CDH13: variants seen among roughly 807,000 people sequenced by gnomAD.
The protein encoded by CDH13 is cadherin 13.
Under a neutral mutation model 63.8 loss-of-function variants are expected in CDH13, and 24 were observed. The observed-to-expected ratio is 0.38, with a 90% CI of 0.27 to 0.53. The LOEUF (loss-of-function observed/expected upper bound fraction) is 0.53, where lower values mean the gene tolerates loss of function less well. CDH13 is among the 20% of genes least tolerant of loss of function. The pLI, the probability that CDH13 is intolerant of heterozygous loss-of-function variation, is 0.85. For missense variants in CDH13, 1,049 were observed against 903.1 expected (o/e 1.16, Z -2.07); for synonymous variants, 503 against 355.3 (o/e 1.42, Z -4.67).
At chr16:83,685,634 C>T (rs1904300654) in intron 10 of CDH13, among the ~76,000 whole-genome samples, 1 of 151,924 alleles carries the variant, frequency 6.6e-6, no homozygotes, top group South Asian at 2.1e-4. Flanking sequence ...TGATGGTGTC[C>T]CTATAAAGGA....
intron 1 of CDH13, among the ~76,000 whole-genome samples, chr16:82,645,136 C>A (rs1909938305): frequency 6.6e-6 from 1 of 152,052 alleles, no homozygotes; most frequent in Non-Finnish European, 1.5e-5. Flanking sequence ...AAACAAGCTC[C>A]TAGGATGCCA....
intron 6 of CDH13, among the ~76,000 whole-genome samples, chr16:83,455,198 G>A (rs2151515848): frequency 6.6e-6 from 1 of 152,288 alleles, no homozygotes; most frequent in South Asian, 2.1e-4. Flanking sequence ...ACTTTCAGAG[G>A]GTGGATTTTT....
chr16:82,652,390 C>T (rs147358141), intron 1 of CDH13, among the ~76,000 whole-genome samples: 210 of 152,292 alleles, frequency 1.4e-3, no homozygotes, highest in African/African-American at 4.3e-3. Flanking sequence ...AAATAAGGAA[C>T]GACCTCTCGT....
At chr16:82,700,576 T>G (rs1238341331) in intron 1 of CDH13, among the ~76,000 whole-genome samples, 1 of 151,878 alleles carries the variant, frequency 6.6e-6, no homozygotes, top group Non-Finnish European at 1.5e-5. Flanking sequence ...TAAATGTCCA[T>G]CCCCAGGGAT....
At chr16:83,253,992 C>T (rs1040229426) in intron 5 of CDH13, among the ~76,000 whole-genome samples, 5 of 152,118 alleles carry the variant, frequency 3.3e-5, no homozygotes, top group Non-Finnish European at 7.4e-5. Context: ...AGATAGAGAG[C>T]CAGCACCGTG....
chr16:82,932,268 C>A (rs1031213662), intron 2 of CDH13, among the ~76,000 whole-genome samples: 1 of 152,138 alleles, frequency 6.6e-6, no homozygotes, highest in Non-Finnish European at 1.5e-5. Flanking sequence ...AATTGTTTAT[C>A]TGAGATTCAA....
intron 1 of CDH13, among the ~76,000 whole-genome samples, chr16:82,699,031 G>C (rs1373322540): frequency 6.6e-6 from 1 of 152,108 alleles, no homozygotes. Flanking sequence ...GCCGTAGTTT[G>C]TTCATCCCTA....
At chr16:82,766,595 C>T (rs1231700475) in intron 1 of CDH13, among the ~76,000 whole-genome samples, 3 of 152,186 alleles carry the variant, frequency 2.0e-5, no homozygotes, top group African/African-American at 4.8e-5. Flanking sequence ...CTAAATGAGA[C>T]AATACCTAAT....
At chr16:82,774,851 A>G (rs576884251) in intron 1 of CDH13, among the ~76,000 whole-genome samples, 4 of 152,312 alleles carry the variant, frequency 2.6e-5, no homozygotes, top group Admixed American at 6.5e-5. Flanking sequence ...ATGGTGGGCT[A>G]TCCCCTCCTA....
intron 5 of CDH13, among the ~76,000 whole-genome samples, chr16:83,256,823 C>T (rs1217931314): frequency 1.7e-5 from 2 of 120,986 alleles, no homozygotes; most frequent in Non-Finnish European, 3.2e-5. Context: ...CCAGCCTGGG[C>T]GACGGAGCGA....
At chr16:83,116,428 C>G (rs1472285105) in intron 3 of CDH13, among the ~76,000 whole-genome samples, 1 of 152,180 alleles carries the variant, frequency 6.6e-6, no homozygotes. Context: ...GAGCATGGTC[C>G]CACCTGGAAG....
At position 83,382,256 on chromosome 16, in the gene CDH13, A is replaced by G. The variant is rs527603339; in HGVS notation, c.781+37250A>G. 9.5e-4 allele frequency among the ~76,000 whole-genome samples: 144 copies of G among 152,318 alleles called. 2 individuals are homozygous for G. Among genetic ancestry groups the G allele is most frequent in the African/African-American group, 3.5e-3 (144 of 41,572 alleles). ...GCACATAATGAAGACAAAAATGAACATTGACCAATACTAGCATCATCTGCA... is the reference window on the plus strand; with the variant it reads ...GCACATAATGAAGACAAAAATGAACGTTGACCAATACTAGCATCATCTGCA... On this transcript the variant is annotated intron_variant, in intron 6 of 13. Coordinates refer to ENST00000567109, the MANE Select transcript of CDH13 (RefSeq NM_001257.5).
At chr16:82,906,659 A>T (rs1194915802) in intron 2 of CDH13, among the ~76,000 whole-genome samples, 1 of 152,124 alleles carries the variant, frequency 6.6e-6, no homozygotes, top group Non-Finnish European at 1.5e-5. Flanking sequence ...ATGGCTTAAA[A>T]CAACAGAAAT....
At chr16:82,713,150 C>T (rs2032085810) in intron 1 of CDH13, among the ~76,000 whole-genome samples, 1 of 151,994 alleles carries the variant, frequency 6.6e-6, no homozygotes, top group Non-Finnish European at 1.5e-5. Context: ...CATTGTCCCT[C>T]AATTTGGGAT....
At chr16:82,709,378 C>A (rs1471420543) in intron 1 of CDH13, among the ~76,000 whole-genome samples, 8 of 152,136 alleles carry the variant, frequency 5.3e-5, no homozygotes. Flanking sequence ...AATTCTATGT[C>A]TTATTTAAAG....
chr16:83,240,536 A>G (rs923344179), intron 5 of CDH13, among the ~76,000 whole-genome samples: 7 of 152,038 alleles, frequency 4.6e-5, no homozygotes, highest in African/African-American at 1.7e-4. Context: ...TGGAGGTGAT[A>G]AAAAGTGGTT....
intron 7 of CDH13, among the ~76,000 whole-genome samples, chr16:83,556,242 A>G (rs1243922646): frequency 6.6e-6 from 1 of 152,180 alleles, no homozygotes; most frequent in Non-Finnish European, 1.5e-5. Context: ...TTTGATAAGG[A>G]CTTCATAGTC....
chr16:83,482,174 G>C (rs531997962), intron 6 of CDH13, among the ~76,000 whole-genome samples: 2 of 152,198 alleles, frequency 1.3e-5, no homozygotes, highest in African/African-American at 4.8e-5. Flanking sequence ...GCTCTGGTCA[G>C]TGTGGAATGA....
chr16:83,220,295 C>G (rs1283013627), intron 5 of CDH13, among the ~76,000 whole-genome samples: 1 of 152,160 alleles, frequency 6.6e-6, no homozygotes, highest in Non-Finnish European at 1.5e-5. Context: ...AACTGGGTTA[C>G]TCTCATGTTG....
Sources: gnomAD v4.1 joint callset for allele counts (sites outside exome capture counted in the v4.1 genomes callset) on GRCh38, gnomAD v4.1.1 for gene constraint, MANE v1.5 for transcripts, NCBI Gene and HGNC (gene_info 2026-07-23, HGNC 2026-07-21) for gene names.